Variants in RPS6KA2 observed in about 807,000 individuals in gnomAD.
RPS6KA2 encodes the protein ribosomal protein S6 kinase A2, also known as ribosomal protein S6 kinase alpha-2.
RPS6KA2 carries 42 observed loss-of-function variants against 91.8 expected under a neutral mutation model. That is an observed-to-expected ratio of 0.46 (90% CI 0.36 to 0.59). RPS6KA2 has a LOEUF of 0.59. Ranked by LOEUF, RPS6KA2 falls within the 20% of genes least tolerant of loss-of-function variation. RPS6KA2 has a pLI of 0.00. For synonymous variants in RPS6KA2, 414 were observed against 393.6 expected, an observed-to-expected ratio of 1.05 and a Z score of -0.61; for missense variants, 798 against 978.5, an observed-to-expected ratio of 0.82 and a Z score of 2.46.
chr6:166,848,191 T>C (rs1173877505), intron 2 of RPS6KA2, among the ~76,000 whole-genome samples: 1 of 152,148 alleles, frequency 6.6e-6, no homozygotes, highest in East Asian at 1.9e-4. Flanking sequence ...GAAATGCATA[T>C]CAAAACCACA....
chr6:166,650,777 T>C (rs1275085166), intron 2 of RPS6KA2, among the ~76,000 whole-genome samples: 1 of 152,154 alleles, frequency 6.6e-6, no homozygotes, highest in Non-Finnish European at 1.5e-5. Context: ...TTCTAAGTGA[T>C]TTTTTACTTC....
intron 2 of RPS6KA2, among the ~76,000 whole-genome samples, chr6:166,632,847 A>G (rs954773603): frequency 6.6e-6 from 1 of 152,140 alleles, no homozygotes; most frequent in Non-Finnish European, 1.5e-5. Flanking sequence ...ACTCAGGAAC[A>G]GGGTCGGGGA....
Position 166,855,199 on chromosome 6 carries a change from G to A in RPS6KA2, c.123+3001C>T, listed in dbSNP as rs552737009. On this transcript the variant is annotated intron_variant, in intron 2 of 21. Transcript: ENST00000503859. ...AAAAGGTGGGAGCGTGGGAGTGGGG[G>A]CGAGGATGAAAAATCACATGTTGGG... Among the ~76,000 whole-genome samples, 20 of 152,278 alleles carry A rather than the reference G, an allele frequency of 1.3e-4. No individual in the cohort carries two copies. In the East Asian group the frequency reaches 3.7e-3, roughly 28 times the overall value.
chr6:166,819,318 G>GT (rs2128622692), intron 2 of RPS6KA2, among the ~76,000 whole-genome samples: 1 of 152,206 alleles, frequency 6.6e-6, no homozygotes, highest in East Asian at 1.9e-4. Context: ...TTACATGAAA[G>GT]GTAGCATTAC....
intron 11 of RPS6KA2, among the ~76,000 whole-genome samples, chr6:166,461,696 A>G (rs1490772793): frequency 6.6e-6 from 1 of 152,098 alleles, no homozygotes; most frequent in Non-Finnish European, 1.5e-5. Flanking sequence ...TACACAAGAG[A>G]TTTCCATTAA....
chr6:166,634,973 A>G (rs185991712), intron 2 of RPS6KA2, among the ~76,000 whole-genome samples: 57 of 152,334 alleles, frequency 3.7e-4, no homozygotes, highest in African/African-American at 1.3e-3. Flanking sequence ...AAAAATCCAC[A>G]GGAAAAAAAC....
chr6:166,674,627 T>C (rs767844909), intron 2 of RPS6KA2, among the ~76,000 whole-genome samples: 3 of 152,182 alleles, frequency 2.0e-5, no homozygotes, highest in African/African-American at 7.2e-5. Flanking sequence ...TTCAAAGATA[T>C]GGGACATGAA....
chr6:166,862,166 G>A, exon 1 of RPS6KA2: 1 of 1,614,208 alleles, frequency 6.2e-7, no homozygotes, highest in Non-Finnish European at 8.5e-7. Flanking sequence ...CTGTGCGATT[G>A]GCATTTTTAA....
chr6:166,680,701 C>A (rs1788773916), intron 2 of RPS6KA2, among the ~76,000 whole-genome samples: 1 of 152,148 alleles, frequency 6.6e-6, no homozygotes. Context: ...ATGAACCCAC[C>A]AGAAGGAAAA....
rs3071135 is a variant in RPS6KA2 at position 166,726,129 on chromosome 6, ATTTTTT to A, written c.123+132065_123+132070del. ...ATGCCCTTAGGCTACAATATAGAAG[ATTTTTT>A]TTTTTTTTTAGTTTAAAATCTTACT... On this transcript the variant is annotated intron_variant, in intron 2 of 21. Transcript: ENST00000503859. This position sits in a 1 kb window ranked among gnomAD's most constrained non-coding sequence, Gnocchi z 4.4. 6.8e-6 allele frequency among the ~76,000 whole-genome samples: 1 copy of A among 148,134 alleles called. No individual in the cohort carries two copies. Among genetic ancestry groups the A allele is most frequent in the Non-Finnish European group, 1.5e-5 (1 of 66,368 alleles).
At chr6:166,550,756 A>G (rs1467635251) in intron 1 of RPS6KA2, among the ~76,000 whole-genome samples, 1 of 152,104 alleles carries the variant, frequency 6.6e-6, no homozygotes, top group Non-Finnish European at 1.5e-5. Context: ...TAATCCCAGC[A>G]CTTTGGGAGG....
chr6:166,706,041 C>A (rs1259228289), intron 2 of RPS6KA2, among the ~76,000 whole-genome samples: 2 of 152,204 alleles, frequency 1.3e-5, no homozygotes, highest in Admixed American at 1.3e-4. Context: ...GAGCAAGTGT[C>A]CACCAGACAC....
At chr6:166,694,600 C>T (rs1305355775) in intron 2 of RPS6KA2, among the ~76,000 whole-genome samples, 1 of 152,214 alleles carries the variant, frequency 6.6e-6, no homozygotes, top group East Asian at 1.9e-4. Flanking sequence ...ATTCCAAAGT[C>T]GCAATTGCAG....
At chr6:166,586,235 C>T (rs1246368865) in intron 1 of RPS6KA2, 3 of 1,594,258 alleles carry the variant, frequency 1.9e-6, no homozygotes, top group East Asian at 4.5e-5. Flanking sequence ...GTCCATGCCA[C>T]TGATTGGATC....
chr6:166,637,082 T>C lies in RPS6KA2; in HGVS notation c.124-98298A>G, dbSNP rs562821736. Among the ~76,000 whole-genome samples, 6 of 152,122 alleles carry C rather than the reference T, an allele frequency of 3.9e-5. No individual in the cohort carries two copies. In the South Asian group the frequency reaches 1.2e-3, roughly 32 times the overall value. On this transcript the variant is annotated intron_variant, in intron 2 of 21. Transcript: ENST00000503859. Reference sequence around the variant, plus strand: ...AAGGGCTGGGGAGGTGCCGCCTCTGTTGTTGTAGCCCAGGCAGGATGACTT... The same window carrying C: ...AAGGGCTGGGGAGGTGCCGCCTCTGCTGTTGTAGCCCAGGCAGGATGACTT...
chr6:166,774,191 G>A (rs1778554236), intron 2 of RPS6KA2, among the ~76,000 whole-genome samples: 1 of 152,178 alleles, frequency 6.6e-6, no homozygotes, highest in Non-Finnish European at 1.5e-5. Context: ...TGCAAGTAAA[G>A]CTGCCAGCCA....
chr6:166,609,047 G>A (rs758588921), intron 1 of RPS6KA2, among the ~76,000 whole-genome samples: 2 of 152,218 alleles, frequency 1.3e-5, no homozygotes, highest in Non-Finnish European at 2.9e-5. Context: ...GCCTGAGAGA[G>A]AGCAAGGGGT....
chr6:166,633,785 T>C (rs1368593431), intron 2 of RPS6KA2, among the ~76,000 whole-genome samples: 1 of 152,202 alleles, frequency 6.6e-6, no homozygotes, highest in Non-Finnish European at 1.5e-5. Context: ...GATCTCTTCC[T>C]CTGTACTCAG....
chr6:166,824,797 C>CTGTGTG (rs763140147), intron 2 of RPS6KA2, among the ~76,000 whole-genome samples: 2 of 134,704 alleles, frequency 1.5e-5, no homozygotes, highest in Non-Finnish European at 3.3e-5. Flanking sequence ...GTGTGTGTGT[C>CTGTGTG]TGTGTGTCTA....
Sources: allele counts gnomAD v4.1 joint callset (sites outside exome capture counted in the v4.1 genomes callset), GRCh38; gene constraint gnomAD v4.1.1; non-coding constraint Gnocchi (gnomAD v3.1); transcripts MANE v1.5; gene names NCBI Gene and HGNC (gene_info 2026-07-23, HGNC 2026-07-21).